C2orf74: variants seen among roughly 807,000 people sequenced by gnomAD.
The protein encoded by C2orf74 is DPM1 ER membrane anchor 1.
In C2orf74, 14 loss-of-function variants were observed where a neutral mutation model predicts 17.9. The observed-to-expected ratio is 0.78, with a 90% CI of 0.52 to 1.22. The LOEUF is 1.22. Among genes scored for constraint, C2orf74 ranks in the 50% most tolerant of loss-of-function variants. The pLI, the probability that C2orf74 is intolerant of heterozygous loss-of-function variation, is 0.00. For missense variants in C2orf74, 217 were observed against 218.4 expected, an observed-to-expected ratio of 0.99 and a Z score of 0.04; for synonymous variants, 79 against 72.6, an observed-to-expected ratio of 1.09 and a Z score of -0.44.
chr2:61,154,257 T>G (rs62151043), intron 1 of C2orf74, among the ~76,000 whole-genome samples: 6 of 149,638 alleles, frequency 4.0e-5, no homozygotes, highest in Non-Finnish European at 7.4e-5. Flanking sequence ...AAAAAAAATT[T>G]AGAATTCAAA....
chr2:61,156,467 G>A (rs1470564567), intron 1 of C2orf74, among the ~76,000 whole-genome samples: 1 of 152,094 alleles, frequency 6.6e-6, no homozygotes, highest in Non-Finnish European at 1.5e-5. Flanking sequence ...AAGATAAAGA[G>A]CTAGAGGCCA....
upstream of C2orf74, chr2:61,158,099 C>G (rs749249808): frequency 1.1e-4 from 47 of 435,908 alleles, no homozygotes; most frequent in Non-Finnish European, 1.8e-4. Context: ...ACAAGAAAAG[C>G]CCCCCTTGCT....
In C2orf74 at chr2:61,162,321, G is replaced by T. The variant is rs546004851; in HGVS notation, c.-100+1G>T. 3.4e-6 allele frequency: 2 copies of T among 595,678 alleles called. No individual in the cohort carries two copies. The highest frequency in any genetic ancestry group is 4.3e-5 in the South Asian group (2 of 46,662). The allele number at this position is 595,678 out of a possible 1,614,324, so 36.9% of individuals were successfully genotyped here. A position where few individuals can be genotyped will look rare whatever the true frequency, so the allele number is the denominator to read the frequency against. On this transcript the variant is annotated splice_donor_variant, in intron 1 of 4. Coordinates refer to ENST00000432605, the MANE Select transcript of C2orf74 (RefSeq NM_001143959.4). LOFTEE classifies it low-confidence loss of function (5UTR_SPLICE). The stretch of plus-strand genomic sequence containing the variant: ...CAGTTATGGAGAGAAATTAGCCAGT[G>T]TGAGTCAACTCTGCAACAAGCAGAG...
upstream of C2orf74, among the ~76,000 whole-genome samples, chr2:61,160,666 GC>G (rs1559188172): frequency 6.6e-6 from 1 of 151,122 alleles, no homozygotes; most frequent in Non-Finnish European, 1.5e-5. Context: ...CCGCCACCAC[GC>G]CCAGCTAGTT....
chr2:61,150,026 T>C (rs1685180681), intron 1 of C2orf74, among the ~76,000 whole-genome samples: 1 of 152,218 alleles, frequency 6.6e-6, no homozygotes, highest in Non-Finnish European at 1.5e-5. Context: ...GTAGGTGTTA[T>C]GGTCATGTTG....
chr2:61,151,781 C>T (rs1170413571), intron 1 of C2orf74: 1 of 152,206 alleles, frequency 6.6e-6, no homozygotes, highest in Non-Finnish European at 1.5e-5. Flanking sequence ...CACAGACCCT[C>T]ACTTTTGCTT....
intron 1 of C2orf74, among the ~76,000 whole-genome samples, chr2:61,153,910 A>AAGAG: frequency 6.7e-6 from 1 of 150,006 alleles, no homozygotes; most frequent in South Asian, 2.1e-4. Context: ...AAAAGAAAGA[A>AAGAG]AAAAAGAAAA....
intron 1 of C2orf74, among the ~76,000 whole-genome samples, chr2:61,145,758 C>T (rs546235052): frequency 1.9e-4 from 29 of 152,192 alleles, no homozygotes; most frequent in African/African-American, 6.0e-4. Context: ...ACAGGTGGCA[C>T]GATCACAGCT....
chr2:61,157,443 C>G (rs139947295), upstream of C2orf74, among the ~76,000 whole-genome samples: 1 of 152,152 alleles, frequency 6.6e-6, no homozygotes, highest in African/African-American at 2.4e-5. Flanking sequence ...GTGTGATGCT[C>G]GTTGCAGTGC....
chr2:61,160,504 T>G (rs1475910516), upstream of C2orf74, among the ~76,000 whole-genome samples: 2 of 151,330 alleles, frequency 1.3e-5, no homozygotes, highest in Non-Finnish European at 2.9e-5. Context: ...CCACTGAGTG[T>G]ATATACCACT....
chr2:61,158,512 G>T (rs1193722964), upstream of C2orf74, among the ~76,000 whole-genome samples: 2 of 152,240 alleles, frequency 1.3e-5, no homozygotes, highest in African/African-American at 2.4e-5. Context: ...CAGGGGTTCT[G>T]TCTAGGTCTT....
upstream of C2orf74, among the ~76,000 whole-genome samples, chr2:61,161,192 C>T (rs574500973): frequency 5.3e-5 from 8 of 152,212 alleles, no homozygotes; most frequent in South Asian, 1.7e-3. Flanking sequence ...GCTTATTGAT[C>T]ATTTGTATAT....
intron 2 of C2orf74, 113 bp from the exon 3 acceptor site, chr2:61,162,729 C>T: frequency 1.8e-6 from 2 of 1,095,766 alleles, no homozygotes; most frequent in East Asian, 5.2e-5. Flanking sequence ...TCTACTTTTC[C>T]ATTTCAGCAT....
intron 1 of C2orf74, among the ~76,000 whole-genome samples, chr2:61,153,811 C>A (rs1408466518): frequency 6.6e-6 from 1 of 151,192 alleles, no homozygotes; most frequent in African/African-American, 2.4e-5. Context: ...ATCTCTTGAA[C>A]CTGGGAGGCA....
chr2:61,157,734 A>C (rs1446983311), upstream of C2orf74: 1 of 394,308 alleles, frequency 2.5e-6, no homozygotes, highest in South Asian at 1.9e-5. Flanking sequence ...TGAACTGTGG[A>C]CTATCCTGAT....
At chr2:61,160,012 A>T (rs1685514046), upstream of C2orf74, among the ~76,000 whole-genome samples, 1 of 152,252 alleles carries the variant, frequency 6.6e-6, no homozygotes, top group East Asian at 1.9e-4. Flanking sequence ...GCTAACCATG[A>T]TTCTGCTTTC....
chr2:61,152,884 G>A (rs1475452828), intron 1 of C2orf74, among the ~76,000 whole-genome samples: 21 of 147,528 alleles, frequency 1.4e-4, no homozygotes, highest in Admixed American at 5.4e-4. Flanking sequence ...AGGCGCGCGC[G>A]GTGGCTCGCG....
upstream of C2orf74, chr2:61,157,841 T>G: frequency 2.1e-6 from 1 of 469,672 alleles, no homozygotes; most frequent in Non-Finnish European, 4.4e-6. Flanking sequence ...CTGTAATTCC[T>G]GGATCATGTT....
At chr2:61,157,925 G>T, upstream of C2orf74, 1 of 471,240 alleles carries the variant, frequency 2.1e-6, no homozygotes, top group Non-Finnish European at 4.4e-6. Flanking sequence ...GTATGCCCTG[G>T]ACCATCTGGA....
Sources: gnomAD v4.1 joint callset for allele counts (sites outside exome capture counted in the v4.1 genomes callset) on GRCh38, gnomAD v4.1.1 for gene constraint, MANE v1.5 for transcripts, NCBI Gene and HGNC (gene_info 2026-07-23, HGNC 2026-07-21) for gene names.